Variants in CA8 observed in about 807,000 individuals in gnomAD.
The protein encoded by CA8 is carbonic anhydrase 8 (inactive).
CA8 carries 22 observed loss-of-function variants against 41.4 expected under a neutral mutation model. The ratio of observed to expected loss-of-function variants is 0.53; its 90% CI spans 0.38 to 0.76. The LOEUF (loss-of-function observed/expected upper bound fraction) is 0.76. Among genes scored for constraint, CA8 ranks in the 30% least tolerant of loss-of-function variants. The pLI is 0.00. For synonymous variants in CA8, 121 were observed against 130.6 expected (o/e 0.93, Z 0.50); for missense variants, 270 against 352.8 (o/e 0.77, Z 1.88).
intron 7 of CA8, among the ~76,000 whole-genome samples, chr8:60,219,872 T>G (rs74654678): frequency 6.7e-6 from 1 of 149,296 alleles, no homozygotes; most frequent in South Asian, 2.1e-4. Flanking sequence ...AACTGTTGTA[T>G]TCACAGATTA....
intron 8 of CA8, among the ~76,000 whole-genome samples, chr8:60,201,443 T>C: frequency 6.6e-6 from 1 of 152,100 alleles, no homozygotes; most frequent in Non-Finnish European, 1.5e-5. Flanking sequence ...TCGTGTAGCA[T>C]GCAGAGGATG....
intron 2 of CA8, among the ~76,000 whole-genome samples, chr8:60,277,778 A>C (rs950626348): frequency 6.6e-6 from 1 of 152,236 alleles, no homozygotes; most frequent in African/African-American, 2.4e-5. Flanking sequence ...CTAGGGGAAA[A>C]AACAACTACT....
intron 3 of CA8, among the ~76,000 whole-genome samples, chr8:60,234,698 C>T (rs564625052): frequency 6.6e-6 from 1 of 152,284 alleles, no homozygotes; most frequent in African/African-American, 2.4e-5. Flanking sequence ...CAGCAGCTCT[C>T]CCACGCATCC....
At chr8:60,261,751 G>A (rs944626644) in intron 3 of CA8, among the ~76,000 whole-genome samples, 7 of 151,982 alleles carry the variant, frequency 4.6e-5, no homozygotes, top group Non-Finnish European at 7.4e-5. Context: ...CATCACTTTC[G>A]CCCAGGCTGG....
intron 8 of CA8, among the ~76,000 whole-genome samples, chr8:60,203,118 G>C (rs1031278369): frequency 2.6e-5 from 4 of 152,144 alleles, no homozygotes; most frequent in Non-Finnish European, 5.9e-5. Context: ...AGACTTCATG[G>C]AGGTAAAACC....
At chr8:60,262,394 C>A (rs1383328527) in intron 3 of CA8, among the ~76,000 whole-genome samples, 2 of 150,688 alleles carry the variant, frequency 1.3e-5, no homozygotes, top group Non-Finnish European at 3.0e-5. Flanking sequence ...GCTAAGACAT[C>A]CAACAAAGTT....
intron 7 of CA8, among the ~76,000 whole-genome samples, chr8:60,219,606 C>T (rs1585866409): frequency 6.6e-6 from 1 of 152,254 alleles, no homozygotes; most frequent in East Asian, 1.9e-4. Context: ...AGGCAGAAAC[C>T]TCCTCTAACA....
At chr8:60,263,391 T>C (rs1803797257) in intron 3 of CA8, among the ~76,000 whole-genome samples, 1 of 151,396 alleles carries the variant, frequency 6.6e-6, no homozygotes, top group Admixed American at 6.6e-5. Context: ...TTGCTTATAG[T>C]GTCTGTCTGT....
intron 4 of CA8, among the ~76,000 whole-genome samples, chr8:60,228,100 A>G (rs888673604): frequency 1.3e-5 from 2 of 152,248 alleles, no homozygotes; most frequent in African/African-American, 4.8e-5. Flanking sequence ...ATGTTAACTA[A>G]CTGCAAAACA....
intron 7 of CA8, among the ~76,000 whole-genome samples, chr8:60,213,889 G>A (rs1806926233): frequency 6.6e-6 from 1 of 151,994 alleles, no homozygotes; most frequent in Non-Finnish European, 1.5e-5. Context: ...GCATTCTCGG[G>A]TTATAGCGCT....
chr8:60,280,303 C>T (rs751847537), intron 1 of CA8, among the ~76,000 whole-genome samples: 1 of 152,162 alleles, frequency 6.6e-6, no homozygotes, highest in East Asian at 1.9e-4. Context: ...AGTAAATAGA[C>T]GCCCCTTATC....
At chr8:60,252,089 T>A (rs894829095) in intron 3 of CA8, among the ~76,000 whole-genome samples, 21 of 152,178 alleles carry the variant, frequency 1.4e-4, no homozygotes, top group Non-Finnish European at 2.9e-4. Flanking sequence ...TTCCTTATCT[T>A]TATATTCTAT....
chr8:60,195,433 G>A (rs781548466), intron 8 of CA8, among the ~76,000 whole-genome samples: 8 of 152,230 alleles, frequency 5.3e-5, no homozygotes, highest in Non-Finnish European at 1.0e-4. Flanking sequence ...GCAGGTCACA[G>A]TACTGATGTA....
intron 2 of CA8, among the ~76,000 whole-genome samples, chr8:60,274,008 T>C (rs1045625807): frequency 1.3e-5 from 2 of 152,262 alleles, no homozygotes; most frequent in Non-Finnish European, 2.9e-5. Flanking sequence ...GGCAATTATT[T>C]ATGATTTGTT....
intron 8 of CA8, among the ~76,000 whole-genome samples, chr8:60,207,364 C>T (rs191356397): frequency 1.4e-3 from 209 of 152,360 alleles, no homozygotes; most frequent in African/African-American, 4.8e-3. Context: ...CAATACGTCC[C>T]TATTTCAACC....
intron 6 of CA8, 130 bp from the exon 7 acceptor site, chr8:60,222,891 T>G: frequency 1.4e-6 from 1 of 709,480 alleles, no homozygotes; most frequent in Non-Finnish European, 2.6e-6. Context: ...ATTTTTAAAC[T>G]AGAGCCCCAC....
intron 7 of CA8, among the ~76,000 whole-genome samples, chr8:60,213,394 G>A (rs193130399): frequency 3.3e-5 from 5 of 152,210 alleles, no homozygotes; most frequent in African/African-American, 9.6e-5. Flanking sequence ...ACAACCACAG[G>A]GAAAGTGCTG....
At chr8:60,265,539 G>C (rs909877432) in intron 3 of CA8, 5 of 186,888 alleles carry the variant, frequency 2.7e-5, no homozygotes, top group African/African-American at 4.8e-5. Flanking sequence ...TTTTAAACTA[G>C]CAAACCTACA....
chr8:60,220,779 C>T (rs1191689792), intron 7 of CA8, among the ~76,000 whole-genome samples: 1 of 152,094 alleles, frequency 6.6e-6, no homozygotes, highest in African/African-American at 2.4e-5. Context: ...CCCAGCCTCC[C>T]CCGCCGTTAG....
Sources: allele counts gnomAD v4.1 joint callset (sites outside exome capture counted in the v4.1 genomes callset), GRCh38; gene constraint gnomAD v4.1.1; transcripts MANE v1.5; gene names NCBI Gene and HGNC (gene_info 2026-07-23, HGNC 2026-07-21).